The following F2 variants were observed in gnomAD, a reference collection of about 807,000 sequenced individuals.
F2 encodes prothrombin.
In F2, 34 loss-of-function variants were observed where a neutral mutation model predicts 81.9. The ratio of observed to expected loss-of-function variants is 0.42; its 90% CI spans 0.32 to 0.55. The LOEUF (loss-of-function observed/expected upper bound fraction) is 0.55, where lower values mean the gene tolerates loss of function less well. F2 is among the 20% of genes least tolerant of loss of function. The pLI is 0.18. For missense variants in F2, 630 were observed against 833.4 expected (o/e 0.76, Z 3.00); for synonymous variants, 296 against 326.4 (o/e 0.91, Z 1.01).
In F2 at chr11:46,739,405, G is replaced by A; in HGVS notation, c.1866G>A (p.Glu622=). The change falls in exon 14 of 14, where the codon GAG becomes GAA. Residue 622 remains glutamate (E), a synonymous_variant. Transcript: ENST00000311907. ...WIQKVIDQFG[E] is the part of the protein sequence containing the mutation. ...AGAAGGTCATTGATCAGTTTGGAGA[G>A]TAGGGGGCCACTCATATTCTGGGCT... 6.2e-7 allele frequency: 1 copy of A among 1,614,116 alleles called. No individual in the cohort carries two copies. Among genetic ancestry groups the A allele is most frequent in the Non-Finnish European group, 8.5e-7 (1 of 1,180,032 alleles).
chr11:46,729,664 C>A (rs770724120), intron 12 of F2, 103 bp downstream of exon 12: 65 of 1,287,218 alleles, frequency 5.0e-5, no homozygotes, highest in Non-Finnish European at 6.5e-5. Context: ...GTTGCCTAAC[C>A]TCTTGGTGGC....
Position 46,726,353 on chromosome 11 carries a change from G to C in F2, c.875-145G>C. 1.4e-6 allele frequency: 2 copies of C among 1,473,856 alleles called. No homozygotes were observed. Among genetic ancestry groups the C allele is most frequent in the African/African-American group, 1.4e-5 (1 of 71,704 alleles). The allele number at this position is 1,473,856 out of a possible 1,614,324, so 91.3% of individuals were successfully genotyped here. On this transcript the variant is annotated intron_variant, in intron 7 of 13. Coordinates refer to ENST00000311907, the MANE Select transcript of F2 (RefSeq NM_000506.5). This position sits in a 1 kb window ranked among gnomAD's most constrained non-coding sequence, Gnocchi z 5.9. ...AGATAAGTACACTGAGGCCCCAGGAGGTTATTGCCTAGTAGCCCAACTGTG... is the reference window on the plus strand; with the variant it reads ...AGATAAGTACACTGAGGCCCCAGGACGTTATTGCCTAGTAGCCCAACTGTG...
At position 46,719,484 on chromosome 11, in the gene F2, T is replaced by C. The variant is rs1486851663; in HGVS notation, c.79+170T>C. 5.9e-5 allele frequency: 57 copies of C among 968,832 alleles called. No individual in the cohort carries two copies. In the South Asian group the frequency reaches 6.1e-4, roughly 10 times the overall value. 60.0% of individuals were successfully genotyped at this position (968,832 alleles called of 1,614,324 possible). On this transcript the variant is annotated intron_variant, in intron 1 of 13. Transcript: ENST00000311907. This position sits in a 1 kb window ranked among gnomAD's most constrained non-coding sequence, Gnocchi z 4.7. ...AGCTCAGGGCTGGAAAGAGAATGGC[T>C]GCTTCTCTCTTCCAATATAGGGAGC...
intron 6 of F2, among the ~76,000 whole-genome samples, chr11:46,724,026 C>A (rs977999795): frequency 2.0e-5 from 3 of 152,176 alleles, no homozygotes; most frequent in Non-Finnish European, 4.4e-5. Context: ...CCTCCCCCTC[C>A]CCACTCTTGA....
intron 12 of F2, 108 bp from the exon 13 acceptor site, chr11:46,738,940 C>A: frequency 2.7e-6 from 3 of 1,125,380 alleles, no homozygotes; most frequent in Non-Finnish European, 4.1e-6. Context: ...GTGGGGACAG[C>A]AAGAATGACT....
In F2 at chr11:46,719,240, C is replaced by T. The variant is rs775306348; in HGVS notation, c.5C>T (p.Ala2Val). The change falls in exon 1 of 14, where the codon GCG (alanine) becomes GTG (valine). Residue 2 changes from alanine (A) to valine (V), a missense_variant. Ala to Val is a moderately conservative substitution (Grantham distance 64, BLOSUM62 0). Transcript: ENST00000311907. The surrounding 1 kb of genome is among the most constrained non-coding windows in gnomAD (Gnocchi z 4.7). ...TGACCCAGGAGCTGACACACTATGG[C>T]GCACGTCCGAGGCTTGCAGCTGCCT... M[A>V]HVRGLQLPGC... is the part of the protein sequence containing the mutation. 6.8e-6 allele frequency: 11 copies of T among 1,613,806 alleles called. No individual in the cohort carries two copies. Among genetic ancestry groups the T allele is most frequent in the South Asian group, 3.3e-5 (3 of 91,074 alleles).
At chr11:46,738,928 A>T in intron 12 of F2, 120 bp from the exon 13 acceptor site, 1 of 966,006 alleles carries the variant, frequency 1.0e-6, no homozygotes, top group Non-Finnish European at 1.7e-6. Context: ...TAGGGTGAGG[A>T]AGTGGGGACA....
intron 12 of F2, among the ~76,000 whole-genome samples, chr11:46,737,941 CTCT>C (rs758286687): frequency 3.3e-5 from 5 of 151,814 alleles, no homozygotes; most frequent in Non-Finnish European, 7.4e-5. Flanking sequence ...TCAAGCAATC[CTCT>C]TCTTGCTTCA....
chr11:46,737,153 T>G (rs1054486587), intron 12 of F2, among the ~76,000 whole-genome samples: 3 of 152,076 alleles, frequency 2.0e-5, no homozygotes, highest in African/African-American at 7.2e-5. Flanking sequence ...TTATTTTTCT[T>G]TTTTTTGAGA....
chr11:46,723,797 C>T lies in F2; in HGVS notation c.559+279C>T, dbSNP rs941111322. ...CCCAACTACTCTGGAGGCTGAGGCA[C>T]GAGAATCGCTTGAACCCGGGAGGCG... On this transcript the variant is annotated intron_variant, in intron 6 of 13. Transcript: ENST00000311907. This position sits in a 1 kb window ranked among gnomAD's most constrained non-coding sequence, Gnocchi z 5.6. 6.6e-6 allele frequency among the ~76,000 whole-genome samples: 1 copy of T among 151,958 alleles called. No homozygotes were observed. Among genetic ancestry groups the T allele is most frequent in the Non-Finnish European group, 1.5e-5 (1 of 67,972 alleles).
chr11:46,731,993 G>A (rs2064915867), intron 12 of F2, among the ~76,000 whole-genome samples: 1 of 138,324 alleles, frequency 7.2e-6, no homozygotes, highest in African/African-American at 2.7e-5. Context: ...TCGGCTCACT[G>A]CAACCTCCAT....
chr11:46,729,643 A>C, intron 12 of F2, 82 bp downstream of exon 12: 1 of 1,523,350 alleles, frequency 6.6e-7, no homozygotes, highest in Non-Finnish European at 8.9e-7. Context: ...AAGCCATGTG[A>C]CTTTGAGCAA....
chr11:46,737,520 A>C (rs370565730), intron 12 of F2, among the ~76,000 whole-genome samples: 2 of 147,060 alleles, frequency 1.4e-5, no homozygotes, highest in East Asian at 4.0e-4. Context: ...GGCTCACTGA[A>C]AGCTCCACCT....
rs772282966 is a variant in F2 at position 46,726,669 on chromosome 11, G to C, written c.1004-42G>C. Reference sequence around the variant, plus strand: ...CGAGGGGATGCGGGGCTGCGGGGCTGGTGGCCAGGACTTGCCCCTCACTGC... The same window carrying C: ...CGAGGGGATGCGGGGCTGCGGGGCTCGTGGCCAGGACTTGCCCCTCACTGC... On this transcript the variant is annotated intron_variant, in intron 8 of 13. Coordinates refer to ENST00000311907, the MANE Select transcript of F2 (RefSeq NM_000506.5). The surrounding 1 kb of genome is among the most constrained non-coding windows in gnomAD (Gnocchi z 5.9). 4.3e-6 allele frequency: 7 copies of C among 1,613,604 alleles called. No homozygotes were observed. In the Admixed American group the frequency reaches 1.0e-4, roughly 23 times the overall value.
rs1320008687 is a variant in F2 at position 46,719,783 on chromosome 11, G to A, written c.161G>A (p.Gly54Asp). The A allele has an allele frequency of 6.3e-7, 1 of 1,597,298 alleles. No homozygotes were observed. The highest frequency in any genetic ancestry group is 8.5e-7 in the Non-Finnish European group (1 of 1,172,862). Reference protein sequence around the residue: ...ANTFLEEVRKGNLERECVEET... With the variant: ...ANTFLEEVRKDNLERECVEET... ...ACCTTCTTGGAGGAGGTGCGCAAGG[G>A]CAACCTGGAGCGAGAGTGCGTGGAG... is the stretch of plus-strand genomic sequence containing the variant. The change falls in exon 2 of 14, where the codon GGC (glycine) becomes GAC (aspartate). Residue 54 changes from glycine (G) to aspartate (D), a missense_variant. Physicochemically the swap from Gly to Asp is moderately conservative, Grantham distance 94 (BLOSUM62 -1). Coordinates refer to ENST00000311907, the MANE Select transcript of F2 (RefSeq NM_000506.5). The surrounding 1 kb of genome is among the most constrained non-coding windows in gnomAD (Gnocchi z 4.7).
In F2 at chr11:46,739,355, G is replaced by A; in HGVS notation, c.1816G>A (p.Val606Met). Reference sequence around the variant, plus strand: ...TGGGAAATATGGCTTCTACACACATGTGTTCCGCCTGAAGAAGTGGATACA... The same window carrying A: ...TGGGAAATATGGCTTCTACACACATATGTTCCGCCTGAAGAAGTGGATACA... ...RDGKYGFYTH[V>M]FRLKKWIQKV... Residue 606 changes from valine (V) to methionine (M), a missense_variant, in exon 14 of 14, where the codon GTG (valine) becomes ATG (methionine). Physicochemically the swap from Val to Met is conservative, Grantham distance 21. Coordinates refer to ENST00000311907, the MANE Select transcript of F2 (RefSeq NM_000506.5). The A allele has an allele frequency of 6.2e-7, 1 of 1,614,170 alleles. No individual in the cohort carries two copies. The highest frequency in any genetic ancestry group is 8.5e-7 in the Non-Finnish European group (1 of 1,180,024).
chr11:46,727,997 C>T lies in F2; in HGVS notation c.1132C>T (p.Gln378Ter). 1 of 1,608,722 alleles carries T rather than the reference C, an allele frequency of 6.2e-7. No individual in the cohort carries two copies. The highest frequency in any genetic ancestry group is 1.1e-5 in the South Asian group (1 of 89,858). ...AATGCTTCCTGCTGCCCCTCCCAGGCAGGTGATGCTTTTCCGGAAGAGTCC... is the reference window on the plus strand; with the variant it reads ...AATGCTTCCTGCTGCCCCTCCCAGGTAGGTGATGCTTTTCCGGAAGAGTCC... ...SDAEIGMSPW[Q>*]VMLFRKSPQE... Residue 378 changes from glutamine (Q) to a stop codon, truncating the protein, a stop_gained and splice_region_variant, in exon 10 of 14, where the codon CAG becomes TAG. Coordinates refer to ENST00000311907, the MANE Select transcript of F2 (RefSeq NM_000506.5). LOFTEE classifies it high-confidence loss of function.
At chr11:46,725,003 CT>C (rs1051712396) in intron 6 of F2, among the ~76,000 whole-genome samples, 12 of 150,448 alleles carry the variant, frequency 8.0e-5, no homozygotes, top group Non-Finnish European at 1.6e-4. Context: ...AACTCCTGAC[CT>C]TGTGATCCTC....
chr11:46,726,752 G>C lies in F2; in HGVS notation c.1045G>C (p.Asp349His), dbSNP rs1274694143. ...RPLFEKKSLE[D>H]KTERELLESY... Reference sequence around the variant, plus strand: ...TCTGTTCGAGAAGAAGTCGCTGGAGGACAAAACCGAAAGAGAGCTCCTGGA... The same window carrying C: ...TCTGTTCGAGAAGAAGTCGCTGGAGCACAAAACCGAAAGAGAGCTCCTGGA... The change falls in exon 9 of 14, where the codon GAC (aspartate) becomes CAC (histidine). Residue 349 changes from aspartate to histidine, a missense_variant. Coordinates refer to ENST00000311907, the MANE Select transcript of F2 (RefSeq NM_000506.5). The surrounding 1 kb of genome is among the most constrained non-coding windows in gnomAD (Gnocchi z 5.9). 1 of 1,614,096 alleles carries C rather than the reference G, an allele frequency of 6.2e-7. No individual in the cohort carries two copies. The highest frequency in any genetic ancestry group is 1.3e-5 in the African/African-American group (1 of 74,932).
Sources: allele counts gnomAD v4.1 joint callset (sites outside exome capture counted in the v4.1 genomes callset), GRCh38; gene constraint gnomAD v4.1.1; non-coding constraint Gnocchi (gnomAD v3.1); transcripts MANE v1.5; gene names NCBI Gene and HGNC (gene_info 2026-07-23, HGNC 2026-07-21).